The following TMEM259 variants were observed in gnomAD, a reference collection of about 807,000 sequenced individuals.
TMEM259 encodes membralin.
Under a neutral mutation model 46.7 loss-of-function variants are expected in TMEM259, and 26 were observed. The observed-to-expected ratio is 0.56, with a 90% CI of 0.41 to 0.77. The LOEUF is 0.77. Ranked by LOEUF, TMEM259 falls within the 30% of genes least tolerant of loss-of-function variation. The pLI, the probability that TMEM259 is intolerant of heterozygous loss-of-function variation, is 0.00. For synonymous variants in TMEM259, 494 were observed against 395.1 expected, an observed-to-expected ratio of 1.25 and a Z score of -2.97; for missense variants, 930 against 900.5, an observed-to-expected ratio of 1.03 and a Z score of -0.42.
In TMEM259 at chr19:1,010,844, G is replaced by C. The variant is rs1230968097; in HGVS notation, c.1369C>G (p.Gln457Glu). The C allele has an allele frequency of 1.3e-6, 2 of 1,593,294 alleles. No homozygotes were observed. The highest frequency in any genetic ancestry group is 1.7e-6 in the Non-Finnish European group (2 of 1,177,690). The change falls in exon 11 of 11, where the codon CAG becomes GAG. Residue 457 changes from glutamine to glutamate, a missense_variant. By Grantham distance (29) the Gln-to-Glu change is conservative (BLOSUM62 2). Coordinates refer to ENST00000356663, the MANE Select transcript of TMEM259 (RefSeq NM_001033026.2). ...HHYELPAILQQVRIQEMLLQA... is the reference protein window; with the variant it reads ...HHYELPAILQEVRIQEMLLQA... The stretch of plus-strand genomic sequence containing the variant: ...AGCAGCATCTCCTGGATGCGGACCT[G>C]CTGCAGGATGGCAGGCAGCTCGTAG...
intron 1 of TMEM259, among the ~76,000 whole-genome samples, chr19:1,016,374 T>C (rs1402128498): frequency 1.3e-5 from 2 of 152,168 alleles, no homozygotes; most frequent in Non-Finnish European, 2.9e-5. Flanking sequence ...GGCCCAGTGG[T>C]GGGTCACGGT....
intron 1 of TMEM259, among the ~76,000 whole-genome samples, chr19:1,019,200 C>T (rs994330668): frequency 6.6e-5 from 10 of 152,252 alleles, no homozygotes; most frequent in Non-Finnish European, 1.2e-4. Context: ...CTTTCCAAAC[C>T]GGGACATGGT....
Position 1,011,573 on chromosome 19 carries a change from T to C in TMEM259, c.1084+7A>G, listed in dbSNP as rs1023332410. On this transcript the variant is annotated splice_region_variant and intron_variant, in intron 8 of 10. Transcript: ENST00000356663. Reference sequence around the variant, plus strand: ...GCGGGGCGGGGGAGGCCGGGTGGGGTCCTCACCGACGAGGGCCAGGATGAC... The same window carrying C: ...GCGGGGCGGGGGAGGCCGGGTGGGGCCCTCACCGACGAGGGCCAGGATGAC... The C allele has an allele frequency of 1.3e-6, 2 of 1,540,686 alleles. No individual in the cohort carries two copies. Among genetic ancestry groups the C allele is most frequent in the East Asian group, 4.9e-5 (2 of 40,742 alleles).
chr19:1,013,466 GC>G, intron 2 of TMEM259, 126 bp from the exon 3 acceptor site: 2 of 918,316 alleles, frequency 2.2e-6, no homozygotes, highest in Non-Finnish European at 3.3e-6. Context: ...CACTGACCAG[GC>G]CAGGGTGGAC....
chr19:1,012,715 A>G (rs748158705), intron 3 of TMEM259, 142 bp from the exon 4 acceptor site: 1 of 1,128,390 alleles, frequency 8.9e-7, no homozygotes, highest in East Asian at 2.6e-5. Flanking sequence ...GGACCCCTAC[A>G]TGGACACTTG....
intron 1 of TMEM259, among the ~76,000 whole-genome samples, chr19:1,016,523 A>C (rs2039116092): frequency 6.6e-6 from 1 of 152,246 alleles, no homozygotes; most frequent in Non-Finnish European, 1.5e-5. Context: ...CCAGGACAGC[A>C]ATGGACCCTG....
At chr19:1,017,664 AC>A (rs1347513948) in intron 1 of TMEM259, among the ~76,000 whole-genome samples, 2 of 151,960 alleles carry the variant, frequency 1.3e-5, no homozygotes, top group Non-Finnish European at 2.9e-5. Flanking sequence ...CTCTCAGGGC[AC>A]CCCAACACTC....
intron 1 of TMEM259, among the ~76,000 whole-genome samples, chr19:1,015,026 C>G (rs1568405707): frequency 6.6e-6 from 1 of 152,360 alleles, no homozygotes; most frequent in East Asian, 1.9e-4. Flanking sequence ...ACAGCCCAAC[C>G]TGCTGCTTCC....
At chr19:1,012,399 G>A in intron 4 of TMEM259, 64 bp downstream of exon 4, 1 of 1,529,434 alleles carries the variant, frequency 6.5e-7, no homozygotes, top group Non-Finnish European at 8.8e-7. Context: ...CCAGCAGGAG[G>A]AGACCCGAGG....
At chr19:1,014,150 G>T (rs1352703600) in intron 2 of TMEM259, 42 bp downstream of exon 2, 2 of 1,580,232 alleles carry the variant, frequency 1.3e-6, no homozygotes, top group Non-Finnish European at 1.7e-6. Flanking sequence ...AGCATCTACG[G>T]GGCGCTGGCC....
Position 1,011,659 on chromosome 19 carries a change from G to T in TMEM259, c.1005C>A (p.Asp335Glu), listed in dbSNP as rs1013347441. ...TGTTCATCTCCAGCATCTGCAGCAG[G>T]TCCACTGCGGGCACAGGGCGGCGGG... ...SHHQIFVFIVDLLQMLEMNMA... is the reference protein window; with the variant it reads ...SHHQIFVFIVELLQMLEMNMA... Residue 335 changes from aspartate (D) to glutamate (E), a missense_variant, in exon 8 of 11, where the codon GAC (aspartate) becomes GAA (glutamate). Asp to Glu is a conservative substitution (Grantham distance 45). Coordinates refer to ENST00000356663, the MANE Select transcript of TMEM259 (RefSeq NM_001033026.2). 2.6e-6 allele frequency: 4 copies of T among 1,545,608 alleles called. No individual in the cohort carries two copies. In the East Asian group the frequency reaches 7.4e-5, roughly 28 times the overall value.
rs982385569 is a variant in TMEM259 at position 1,020,614 on chromosome 19, C to T, written c.225+158G>A. On this transcript the variant is annotated intron_variant, in intron 1 of 10. Coordinates refer to ENST00000356663, the MANE Select transcript of TMEM259 (RefSeq NM_001033026.2). The surrounding 1 kb of genome is among the most constrained non-coding windows in gnomAD (Gnocchi z 4.0). ...TGGCCAATCCCAGGGTCAGAGGTCG[C>T]GAGGGAGAGCCCTAATCGGTAGGGC... Among the ~76,000 whole-genome samples, 2 of 151,924 alleles carry T rather than the reference C, an allele frequency of 1.3e-5. No individual in the cohort carries two copies. Among genetic ancestry groups the T allele is most frequent in the African/African-American group, 4.8e-5 (2 of 41,356 alleles).
At chr19:1,014,915 C>T (rs994433243) in intron 1 of TMEM259, among the ~76,000 whole-genome samples, 13 of 152,322 alleles carry the variant, frequency 8.5e-5, no homozygotes, top group African/African-American at 3.1e-4. Flanking sequence ...GGGCCCTCTG[C>T]CAGCCAACGG....
Position 1,012,117 on chromosome 19 carries a change from C to T in TMEM259, c.790G>A (p.Asp264Asn). The T allele has an allele frequency of 6.2e-7, 1 of 1,610,938 alleles. No individual in the cohort carries two copies. The highest frequency in any genetic ancestry group is 8.5e-7 in the Non-Finnish European group (1 of 1,179,054). ...LLLDEFLGYD[D>N]ILMSSVKGLA... ...CCCTTCACGCTGGACATGAGGATGT[C>T]ATCGTAGCCCAGGAACTCATCCAGC... Residue 264 changes from aspartate (D) to asparagine (N), a missense_variant, in exon 5 of 11, where the codon GAC becomes AAC. Physicochemically the swap from Asp to Asn is conservative, Grantham distance 23 (BLOSUM62 1). Transcript: ENST00000356663.
chr19:1,014,164 G>A (rs999413459), intron 2 of TMEM259, 28 bp downstream of exon 2: 1 of 1,592,610 alleles, frequency 6.3e-7, no homozygotes. Context: ...GCTGGCCTCT[G>A]CTGCAGCTGA....
In TMEM259 at chr19:1,011,586, G is replaced by A; in HGVS notation, c.1078C>T (p.Leu360Phe). The change falls in exon 8 of 11, where the codon CTC becomes TTC. Residue 360 changes from leucine to phenylalanine, a missense_variant. Leu to Phe is a conservative substitution (Grantham distance 22). Coordinates refer to ENST00000356663, the MANE Select transcript of TMEM259 (RefSeq NM_001033026.2). ...AAPLLTVILA[L>F]VGMEAIMSEF... ...GGCCGGGTGGGGTCCTCACCGACGA[G>A]GGCCAGGATGACGGTCAGCAGGGGC... The A allele has an allele frequency of 6.5e-7, 1 of 1,543,936 alleles. No individual in the cohort carries two copies. Among genetic ancestry groups the A allele is most frequent in the Non-Finnish European group, 8.7e-7 (1 of 1,145,262 alleles).
At chr19:1,013,907 C>A (rs1048680073) in intron 2 of TMEM259, among the ~76,000 whole-genome samples, 38 of 152,328 alleles carry the variant, frequency 2.5e-4, no homozygotes, top group Middle Eastern at 3.4e-3. Context: ...AGCCAATCCC[C>A]TCCCCGGAAC....
rs1281777191 is a variant in TMEM259 at position 1,014,319 on chromosome 19, T to C, written c.380A>G (p.Gln127Arg). Residue 127 changes from glutamine to arginine, a missense_variant, in exon 2 of 11, where the codon CAG becomes CGG. By Grantham distance (43) the Gln-to-Arg change is conservative. Transcript: ENST00000356663. Reference sequence around the variant, plus strand: ...CCCGCGGCCGCCGCTGTCACAGAACTGTAGGAAGACGGGCGCGCGGCTCGA... The same window carrying C: ...CCCGCGGCCGCCGCTGTCACAGAACCGTAGGAAGACGGGCGCGCGGCTCGA... ...HNSSRAPVFL[Q>R]FCDSGGRGSF... is the part of the protein sequence containing the mutation. 3 of 1,613,132 alleles carry C rather than the reference T, an allele frequency of 1.9e-6. No homozygotes were observed. The highest frequency in any genetic ancestry group is 4.5e-5 in the East Asian group (2 of 44,876).
At chr19:1,010,949 G>A (rs2038892623) in intron 10 of TMEM259, 54 bp from the exon 11 acceptor site, 34 of 1,558,736 alleles carry the variant, frequency 2.2e-5, no homozygotes, top group Middle Eastern at 1.9e-4. Flanking sequence ...CCACCCAGCC[G>A]CTGCTCCCAG....
Sources: allele counts gnomAD v4.1 joint callset (sites outside exome capture counted in the v4.1 genomes callset), GRCh38; gene constraint gnomAD v4.1.1; non-coding constraint Gnocchi (gnomAD v3.1); transcripts MANE v1.5; gene names NCBI Gene and HGNC (gene_info 2026-07-23, HGNC 2026-07-21).